GTF2IRD1: variants seen among roughly 807,000 people sequenced by gnomAD.
The protein encoded by GTF2IRD1 is general transcription factor II-I repeat domain-containing protein 1.
Under a neutral mutation model 113.2 loss-of-function variants are expected in GTF2IRD1, and 26 were observed. The ratio of observed to expected loss-of-function variants is 0.23; its 90% CI spans 0.17 to 0.32. The LOEUF (loss-of-function observed/expected upper bound fraction) is 0.32. GTF2IRD1 is among the 10% of genes least tolerant of loss of function. GTF2IRD1 has a pLI of 1.00. For synonymous variants in GTF2IRD1, 484 were observed against 529.1 expected (o/e 0.91, Z 1.17); for missense variants, 864 against 1,280.8 (o/e 0.67, Z 4.97).
intron 1 of GTF2IRD1, among the ~76,000 whole-genome samples, chr7:74,504,319 TGA>T (rs1372231066): frequency 3.3e-5 from 5 of 152,246 alleles, no homozygotes; most frequent in African/African-American, 1.2e-4. Context: ...TTTGGGCTGC[TGA>T]GAGAGGCGTC....
intron 1 of GTF2IRD1, among the ~76,000 whole-genome samples, chr7:74,475,803 A>G (rs1554333417): frequency 1.3e-5 from 2 of 152,210 alleles, no homozygotes; most frequent in African/African-American, 2.4e-5. Flanking sequence ...CCAGGCCATT[A>G]ACGTGAGCCA....
chr7:74,542,538 T>C (rs1798691303), intron 14 of GTF2IRD1, among the ~76,000 whole-genome samples: 1 of 152,230 alleles, frequency 6.6e-6, no homozygotes, highest in Admixed American at 6.5e-5. Flanking sequence ...AGCAAAACAG[T>C]AGCAGTGTTA....
At chr7:74,579,840 G>C (rs147123173) in intron 22 of GTF2IRD1, among the ~76,000 whole-genome samples, 2 of 152,222 alleles carry the variant, frequency 1.3e-5, no homozygotes, top group African/African-American at 4.8e-5. Flanking sequence ...GATAGGGCAG[G>C]CTGTGGTAGG....
intron 25 of GTF2IRD1, among the ~76,000 whole-genome samples, chr7:74,597,490 C>T (rs1370410908): frequency 6.6e-6 from 1 of 151,818 alleles, no homozygotes; most frequent in African/African-American, 2.4e-5. Context: ...GGACTTCAGG[C>T]ATGCACCACC....
chr7:74,589,725 T>A, intron 22 of GTF2IRD1, 126 bp from the exon 23 acceptor site: 1 of 589,812 alleles, frequency 1.7e-6, no homozygotes, highest in Non-Finnish European at 3.1e-6. Context: ...AACAGCTATA[T>A]AGGAGTGGGT....
chr7:74,530,143 G>A (rs1443282097), intron 9 of GTF2IRD1, among the ~76,000 whole-genome samples: 2 of 152,070 alleles, frequency 1.3e-5, no homozygotes, highest in South Asian at 2.1e-4. Flanking sequence ...CCGGGAGGCA[G>A]AGGTTGCAAT....
At chr7:74,538,943 G>T (rs1798468896) in intron 13 of GTF2IRD1, among the ~76,000 whole-genome samples, 183 bp downstream of exon 13, 1 of 152,206 alleles carries the variant, frequency 6.6e-6, no homozygotes. Flanking sequence ...GTGAATCAGT[G>T]TTCTCAGCTC....
In GTF2IRD1 at chr7:74,508,249, C is replaced by T. The variant is rs1410931755; in HGVS notation, c.123+46C>T. 7.0e-6 allele frequency: 11 copies of T among 1,580,596 alleles called. No individual in the cohort carries two copies. The African/African-American group carries it at 1.5e-4, about 21-fold the overall frequency. ...AAGAGGAGGGGACAGGGTGAGCGTC[C>T]CCACCTGCCTTGTAGCTCAAGTCCT... On this transcript the variant is annotated intron_variant, in intron 2 of 26. Transcript: ENST00000424337.
At chr7:74,535,071 C>T (rs1554349881) in intron 9 of GTF2IRD1, 42 bp from the exon 10 acceptor site, 2 of 1,596,186 alleles carry the variant, frequency 1.3e-6, no homozygotes, top group Non-Finnish European at 1.7e-6. Flanking sequence ...GAGAGTCCTC[C>T]AGCCTGCACT....
At chr7:74,516,309 G>C (rs1382942546) in intron 4 of GTF2IRD1, among the ~76,000 whole-genome samples, 1 of 152,186 alleles carries the variant, frequency 6.6e-6, no homozygotes, top group Admixed American at 6.5e-5. Flanking sequence ...CAGAGTCAGG[G>C]GCTGTGTCTG....
At chr7:74,569,165 C>T (rs1800532072) in intron 22 of GTF2IRD1, among the ~76,000 whole-genome samples, 1 of 152,336 alleles carries the variant, frequency 6.6e-6, no homozygotes, top group East Asian at 1.9e-4. Context: ...GAAAGCTCCC[C>T]CTCCCTGAGG....
rs587759500 is a variant in GTF2IRD1 at position 74,565,251 on chromosome 7, G to A, written c.2320+5596G>A. ...AATTAAATTAGGGAGACTGCCAGGC[G>A]CGGTGGCTCATGCCTGTAATCCCAG... On this transcript the variant is annotated intron_variant, in intron 22 of 26. Coordinates refer to ENST00000424337, the MANE Select transcript of GTF2IRD1 (RefSeq NM_005685.4). Among the ~76,000 whole-genome samples, 13 of 152,298 alleles carry A rather than the reference G, an allele frequency of 8.5e-5. No individual in the cohort carries two copies. In the South Asian group the frequency reaches 1.9e-3, roughly 22 times the overall value.
At chr7:74,586,903 C>A (rs79409806) in intron 22 of GTF2IRD1, among the ~76,000 whole-genome samples, 2,529 of 151,704 alleles carry the variant, frequency 0.017, 65 homozygotes, top group African/African-American at 0.058. Context: ...CCAGCACTTT[C>A]GGAGGCTGCG....
At chr7:74,492,017 GTT>G (rs1795375426) in intron 1 of GTF2IRD1, among the ~76,000 whole-genome samples, 1 of 144,970 alleles carries the variant, frequency 6.9e-6, no homozygotes, top group African/African-American at 2.6e-5. Context: ...TTTTGTTTTT[GTT>G]TTGAGACGGA....
intron 8 of GTF2IRD1, among the ~76,000 whole-genome samples, chr7:74,528,943 GTGGATGGATGGA>G (rs782015964): frequency 0.19 from 25,228 of 133,768 alleles, 2,455 homozygotes; most frequent in Middle Eastern, 0.23. Flanking sequence ...GGGTGGATGG[GTGGATGGATGGA>G]TGGATGGATG....
At chr7:74,497,693 GGTTTTGTTT>G (rs1338775012) in intron 1 of GTF2IRD1, among the ~76,000 whole-genome samples, 1 of 152,046 alleles carries the variant, frequency 6.6e-6, no homozygotes, top group Admixed American at 6.6e-5. Context: ...TCCTGTGTGT[GGTTTTGTTT>G]GTTTTGTTTG....
intron 26 of GTF2IRD1, 70 bp from the exon 27 acceptor site, chr7:74,602,295 G>A: frequency 1.3e-6 from 2 of 1,559,252 alleles, no homozygotes; most frequent in South Asian, 2.4e-5. Context: ...TCCAAAAGCA[G>A]AACTAAGCAT....
chr7:74,475,206 G>A (rs1342923248), intron 1 of GTF2IRD1, among the ~76,000 whole-genome samples: 1 of 152,170 alleles, frequency 6.6e-6, no homozygotes, highest in East Asian at 1.9e-4. Flanking sequence ...AGTGAGCTAT[G>A]ATCACGCCAT....
Position 74,518,306 on chromosome 7 carries a change from C to T in GTF2IRD1, c.589C>T (p.Arg197Cys), listed in dbSNP as rs782658937. The part of the protein sequence containing the change: ...MAILEHSHRI[R>C]FKLKRPLEDG... ...CATCCTGGAACACAGCCACCGCATC[C>T]GCTTCAAGCTCAAGAGGTGAGTGAG... Residue 197 changes from arginine (R) to cysteine (C), a missense_variant, in exon 5 of 27, where the codon CGC becomes TGC. Arg to Cys is a radical substitution (Grantham distance 180). Around this residue, in one of 7 missense-constraint regions of GTF2IRD1, gnomAD observed 195 missense variants for 196.6 expected, o/e 0.99. Coordinates refer to ENST00000424337, the MANE Select transcript of GTF2IRD1 (RefSeq NM_005685.4). The T allele has an allele frequency of 7.5e-6, 12 of 1,597,122 alleles. No individual in the cohort carries two copies. The highest frequency in any genetic ancestry group is 2.3e-5 in the East Asian group (1 of 44,418).
Sources: gnomAD v4.1 joint callset for allele counts (sites outside exome capture counted in the v4.1 genomes callset) on GRCh38, gnomAD v4.1.1 for gene constraint, gnomAD v4.1.1 regional missense constraint, MANE v1.5 for transcripts, NCBI Gene and HGNC (gene_info 2026-07-23, HGNC 2026-07-21) for gene names.